Variants in SLC9B2 observed in about 807,000 individuals in gnomAD.
SLC9B2 encodes the protein solute carrier family 9 member B2, also known as sodium/hydrogen exchanger 9B2.
Under a neutral mutation model 52.2 loss-of-function variants are expected in SLC9B2, and 39 were observed. That is an observed-to-expected ratio of 0.75 (90% confidence interval 0.58 to 0.98). SLC9B2 has a LOEUF of 0.98. Ranked by LOEUF, SLC9B2 falls within the 50% of genes least tolerant of loss-of-function variation. The pLI is 0.00. For missense variants in SLC9B2, 626 were observed against 637.5 expected, an observed-to-expected ratio of 0.98 and a Z score of 0.19; for synonymous variants, 214 against 227.0, an observed-to-expected ratio of 0.94 and a Z score of 0.51.
chr4:103,047,530 C>T (rs1744272104), intron 6 of SLC9B2, among the ~76,000 whole-genome samples: 1 of 147,842 alleles, frequency 6.8e-6, no homozygotes, highest in Non-Finnish European at 1.5e-5. Flanking sequence ...TCTCCTAATG[C>T]TATCCCTCCC....
chr4:103,032,149 GT>G (rs554440576), intron 9 of SLC9B2, among the ~76,000 whole-genome samples: 97 of 152,080 alleles, frequency 6.4e-4, no homozygotes, highest in African/African-American at 2.1e-3. Context: ...GTGTTTTGTA[GT>G]TTAAAATTTT....
In SLC9B2 at chr4:103,074,613, G is replaced by C. The variant is rs769520314; in HGVS notation, c.-43+1571C>G. Among the ~76,000 whole-genome samples the C allele has an allele frequency of 2.4e-4, 36 of 152,152 alleles. 1 individual carries two copies. Among genetic ancestry groups the C allele is most frequent in the South Asian group, 1.7e-3 (8 of 4,826 alleles). On this transcript the variant is annotated intron_variant, in intron 1 of 11. Coordinates refer to ENST00000394785, the MANE Select transcript of SLC9B2 (RefSeq NM_178833.7). Reference sequence around the variant, plus strand: ...AAAAATTAGTGCCAAGGTTTTCACTGCCATTCTTTTAGTCAACAGAAATTA... The same window carrying C: ...AAAAATTAGTGCCAAGGTTTTCACTCCCATTCTTTTAGTCAACAGAAATTA...
chr4:103,030,007 A>G (rs1742557218), intron 10 of SLC9B2, among the ~76,000 whole-genome samples: 1 of 152,134 alleles, frequency 6.6e-6, no homozygotes, highest in South Asian at 2.1e-4. Flanking sequence ...GTATTTCTTC[A>G]AGGTTGGAAA....
At chr4:103,062,016 G>C (rs1408763058) in intron 3 of SLC9B2, among the ~76,000 whole-genome samples, 1 of 152,126 alleles carries the variant, frequency 6.6e-6, no homozygotes, top group African/African-American at 2.4e-5. Flanking sequence ...ATTTCTATGC[G>C]ATATCAGAGG....
intron 5 of SLC9B2, 86 bp downstream of exon 5, chr4:103,050,154 T>C (rs910550854): frequency 3.1e-5 from 38 of 1,208,664 alleles, no homozygotes; most frequent in Non-Finnish European, 6.6e-6. Context: ...CACATCCATT[T>C]CCTAATGCTT....
At chr4:103,048,735 C>A (rs982024512) in intron 6 of SLC9B2, 158 bp downstream of exon 6, 1 of 924,554 alleles carries the variant, frequency 1.1e-6, no homozygotes, top group East Asian at 2.9e-5. Context: ...AACACATAAA[C>A]TATGTTTTGA....
chr4:103,036,103 T>C (rs906802669), intron 9 of SLC9B2, among the ~76,000 whole-genome samples: 3 of 152,058 alleles, frequency 2.0e-5, no homozygotes, highest in Non-Finnish European at 4.4e-5. Flanking sequence ...CCTACAATCA[T>C]CTGATATGTC....
At chr4:103,042,369 A>G (rs1302960135) in intron 9 of SLC9B2, 2 of 152,166 alleles carry the variant, frequency 1.3e-5, no homozygotes, top group Non-Finnish European at 2.9e-5. Flanking sequence ...AATCCTATCA[A>G]GTTCAAATCT....
chr4:103,042,615 A>G (rs2110599799), intron 9 of SLC9B2, among the ~76,000 whole-genome samples: 1 of 151,454 alleles, frequency 6.6e-6, no homozygotes. Context: ...TTTTTAATTC[A>G]TAATATCAGC....
At chr4:103,059,439 A>G (rs1745439293) in intron 3 of SLC9B2, among the ~76,000 whole-genome samples, 1 of 152,192 alleles carries the variant, frequency 6.6e-6, no homozygotes, top group Admixed American at 6.5e-5. Flanking sequence ...CAGCTTCTTT[A>G]CCTCAGCTTA....
In SLC9B2 at chr4:103,023,599, T is replaced by G. The variant is rs1741962343; in HGVS notation, c.*2771A>C. On this transcript the variant is annotated 3_prime_UTR_variant, in exon 12 of 12. Coordinates refer to ENST00000394785, the MANE Select transcript of SLC9B2 (RefSeq NM_178833.7). Reference sequence around the variant, plus strand: ...ACATAGTCTTATAGCAATTAATAAATTCCTACAAAGAGCTTCCAGGAATAG... The same window carrying G: ...ACATAGTCTTATAGCAATTAATAAAGTCCTACAAAGAGCTTCCAGGAATAG... 6.6e-6 allele frequency among the ~76,000 whole-genome samples: 1 copy of G among 152,158 alleles called. No homozygotes were observed. Among genetic ancestry groups the G allele is most frequent in the African/African-American group, 2.4e-5 (1 of 41,424 alleles).
intron 6 of SLC9B2, among the ~76,000 whole-genome samples, chr4:103,047,771 C>T (rs954145326): frequency 2.6e-5 from 4 of 152,114 alleles, no homozygotes; most frequent in African/African-American, 9.7e-5. Context: ...ATATGTGCCA[C>T]ATTTTCTTAA....
intron 7 of SLC9B2, among the ~76,000 whole-genome samples, chr4:103,046,562 G>A (rs1271628912): frequency 6.6e-6 from 1 of 152,158 alleles, no homozygotes; most frequent in Non-Finnish European, 1.5e-5. Context: ...GAAGAGGAGA[G>A]AAGAGAAATT....
chr4:103,067,412 G>T, intron 2 of SLC9B2, 49 bp downstream of exon 2: 1 of 1,510,714 alleles, frequency 6.6e-7, no homozygotes, highest in South Asian at 1.1e-5. Context: ...ATTGGTAAAT[G>T]AGTGGTAGAA....
At chr4:103,048,611 G>A (rs72939323) in intron 6 of SLC9B2, 94 of 271,144 alleles carry the variant, frequency 3.5e-4, no homozygotes, top group Non-Finnish European at 5.9e-4. Flanking sequence ...TTGTGCAGAC[G>A]TTAGGTGGAA....
intron 3 of SLC9B2, among the ~76,000 whole-genome samples, chr4:103,063,356 A>C (rs926339419): frequency 5.3e-5 from 8 of 152,336 alleles, no homozygotes; most frequent in Non-Finnish European, 1.0e-4. Flanking sequence ...AAACACATCT[A>C]GAGCCTAAAG....
chr4:103,048,628 A>C, intron 6 of SLC9B2: 1 of 292,746 alleles, frequency 3.4e-6, no homozygotes, highest in Non-Finnish European at 6.5e-6. Flanking sequence ...GGAATCCGGT[A>C]TCTCTTTAAC....
chr4:103,041,585 G>T (rs147452676), intron 9 of SLC9B2, among the ~76,000 whole-genome samples: 349 of 152,060 alleles, frequency 2.3e-3, no homozygotes, highest in African/African-American at 7.0e-3. Flanking sequence ...ACTTTTTTAT[G>T]CTCTGTTTCA....
chr4:103,045,841 T>A (rs1194826362), intron 7 of SLC9B2, among the ~76,000 whole-genome samples: 1 of 152,212 alleles, frequency 6.6e-6, no homozygotes, highest in Admixed American at 6.6e-5. Flanking sequence ...CATAAGAGTA[T>A]TTTTAAAAAT....
Sources: allele counts gnomAD v4.1 joint callset (sites outside exome capture counted in the v4.1 genomes callset), GRCh38; gene constraint gnomAD v4.1.1; transcripts MANE v1.5; gene names NCBI Gene and HGNC (gene_info 2026-07-23, HGNC 2026-07-21).